SLC38A4: variants seen among roughly 807,000 people sequenced by gnomAD.
SLC38A4 encodes solute carrier family 38 member 4.
SLC38A4 carries 20 observed loss-of-function variants against 63.1 expected under a neutral mutation model. The ratio of observed to expected loss-of-function variants is 0.32; its 90% CI spans 0.22 to 0.46. The LOEUF (loss-of-function observed/expected upper bound fraction) is 0.46. Among genes scored for constraint, SLC38A4 ranks in the 20% least tolerant of loss-of-function variants. The pLI is 1.00. For synonymous variants in SLC38A4, 230 were observed against 225.5 expected (o/e 1.02, Z -0.18); for missense variants, 526 against 663.6 (o/e 0.79, Z 2.28).
chr12:46,777,033 T>G (rs1938542776), intron 12 of SLC38A4, 29 bp from the exon 13 acceptor site: 2 of 1,546,538 alleles, frequency 1.3e-6, no homozygotes, highest in Non-Finnish European at 1.8e-6. Flanking sequence ...CCAAGCTTTG[T>G]TTTTTAAACT....
rs1938718766 is a variant in SLC38A4 at position 46,784,547 on chromosome 12, A to G, written c.488T>C (p.Ile163Thr). ...GAFVSITMQN[I>T]GAMSSYLFII... is the part of the protein sequence containing the mutation. ...TGAAAAGTATATCCCCTTACCTCCA[A>G]TGTTCTGCATTGTAATGGAAACAAA... The change falls in exon 7 of 17, where the codon ATT becomes ACT. Residue 163 changes from isoleucine (I) to threonine (T), a missense_variant. Coordinates refer to ENST00000266579, the MANE Select transcript of SLC38A4 (RefSeq NM_018018.5). 1.9e-6 allele frequency: 3 copies of G among 1,611,564 alleles called. No individual in the cohort carries two copies. Among genetic ancestry groups the G allele is most frequent in the African/African-American group, 1.3e-5 (1 of 74,786 alleles).
chr12:46,827,191 A>C (rs1476389251), upstream of SLC38A4, among the ~76,000 whole-genome samples: 2 of 152,222 alleles, frequency 1.3e-5, no homozygotes, highest in Non-Finnish European at 2.9e-5. Flanking sequence ...ACTGTCTGGC[A>C]TGAGTATTAT....
chr12:46,815,278 TATATATACAC>T (rs1199115022), intron 1 of SLC38A4, among the ~76,000 whole-genome samples: 187 of 86,484 alleles, frequency 2.2e-3, no homozygotes, highest in South Asian at 8.5e-3. Flanking sequence ...TATATATATA[TATATATACAC>T]ACACACACAC....
chr12:46,807,898 C>A (rs533165564), intron 1 of SLC38A4, among the ~76,000 whole-genome samples: 2 of 149,964 alleles, frequency 1.3e-5, no homozygotes, highest in African/African-American at 2.4e-5. Context: ...TACCCCCCCC[C>A]CCAAAGCCAC....
In SLC38A4 at chr12:46,820,635, C is replaced by T. The variant is rs145044422; in HGVS notation, c.-305+5268G>A. Among the ~76,000 whole-genome samples, 375 of 152,184 alleles carry T rather than the reference C, an allele frequency of 2.5e-3. 3 individuals are homozygous for T. The highest frequency in any genetic ancestry group is 2.8e-3 in the Non-Finnish European group (193 of 67,974). ...CTATTGTGAATAGCGCAGCAATGAA[C>T]ATAGGAGTGCAGGTATCGCTCTGAG... is the stretch of plus-strand genomic sequence containing the variant. On this transcript the variant is annotated intron_variant, in intron 1 of 16. Transcript: ENST00000266579.
rs764177200 is a variant in SLC38A4 at position 46,779,934 on chromosome 12, G to A, written c.575+15C>T. On this transcript the variant is annotated intron_variant, in intron 8 of 16. Coordinates refer to ENST00000266579, the MANE Select transcript of SLC38A4 (RefSeq NM_018018.5). ...AATGAGTCACTTGATGTCACAGAGGGAGCATAAGACATACCCAGTATTTTC... is the reference window on the plus strand; with the variant it reads ...AATGAGTCACTTGATGTCACAGAGGAAGCATAAGACATACCCAGTATTTTC... The A allele has an allele frequency of 3.2e-5, 52 of 1,610,250 alleles. No individual in the cohort carries two copies. The highest frequency in any genetic ancestry group is 2.8e-4 in the Admixed American group (17 of 59,830).
chr12:46,772,018 G>T (rs943112134), intron 14 of SLC38A4, among the ~76,000 whole-genome samples: 9 of 151,826 alleles, frequency 5.9e-5, no homozygotes, highest in Non-Finnish European at 1.2e-4. Context: ...TATTTCCAGA[G>T]AAAGAGTCCT....
chr12:46,821,575 C>T (rs1939552040), intron 1 of SLC38A4, among the ~76,000 whole-genome samples: 1 of 151,928 alleles, frequency 6.6e-6, no homozygotes, highest in East Asian at 1.9e-4. Context: ...TTTTTGGTAC[C>T]ATATTTTTTC....
At chr12:46,795,191 A>G (rs1391499277) in intron 2 of SLC38A4, among the ~76,000 whole-genome samples, 2 of 152,058 alleles carry the variant, frequency 1.3e-5, no homozygotes, top group Admixed American at 6.6e-5. Flanking sequence ...CCCATAAAAA[A>G]TAAGGACATT....
intron 1 of SLC38A4, among the ~76,000 whole-genome samples, chr12:46,822,202 C>T (rs1411184529): frequency 6.6e-6 from 1 of 152,090 alleles, no homozygotes; most frequent in Non-Finnish European, 1.5e-5. Context: ...CACACACGTA[C>T]ACATAGGGTT....
intron 1 of SLC38A4, among the ~76,000 whole-genome samples, chr12:46,805,498 C>T (rs908661586): frequency 2.6e-5 from 4 of 151,992 alleles, no homozygotes; most frequent in Non-Finnish European, 4.4e-5. Context: ...ATATGGTCTG[C>T]TCTCAACAAA....
At chr12:46,788,662 T>C (rs1592183547) in intron 3 of SLC38A4, 44 bp from the exon 4 acceptor site, 5 of 1,501,610 alleles carry the variant, frequency 3.3e-6, no homozygotes, top group Non-Finnish European at 4.6e-6. Context: ...AACATCTAAA[T>C]ATATGCTCTG....
At chr12:46,809,141 G>A (rs372192161) in intron 1 of SLC38A4, among the ~76,000 whole-genome samples, 4 of 151,862 alleles carry the variant, frequency 2.6e-5, no homozygotes, top group Non-Finnish European at 4.4e-5. Context: ...TTGGACTTTC[G>A]GTAGTTTAAG....
intron 1 of SLC38A4, among the ~76,000 whole-genome samples, chr12:46,806,133 AC>A (rs961144080): frequency 6.6e-6 from 1 of 151,698 alleles, no homozygotes; most frequent in Non-Finnish European, 1.5e-5. Flanking sequence ...GATGAAAAAT[AC>A]CCTTGTAATT....
At chr12:46,830,947 C>G (rs935196569), upstream of SLC38A4, among the ~76,000 whole-genome samples, 11 of 152,230 alleles carry the variant, frequency 7.2e-5, no homozygotes, top group African/African-American at 2.7e-4. Context: ...TCACTGCCTC[C>G]TGCACTCCTC....
chr12:46,827,122 T>C (rs1939668595), upstream of SLC38A4, among the ~76,000 whole-genome samples: 1 of 152,302 alleles, frequency 6.6e-6, no homozygotes, highest in Non-Finnish European at 1.5e-5. Flanking sequence ...TTGGGAACAA[T>C]AGGCAGAAAT....
chr12:46,813,400 T>C (rs927128325), intron 1 of SLC38A4, among the ~76,000 whole-genome samples: 4 of 151,966 alleles, frequency 2.6e-5, no homozygotes, highest in Non-Finnish European at 5.9e-5. Flanking sequence ...TCCGAACTCT[T>C]TTTCTCAAAT....
intron 3 of SLC38A4, among the ~76,000 whole-genome samples, chr12:46,790,219 A>C (rs1938856338): frequency 6.6e-6 from 1 of 152,198 alleles, no homozygotes; most frequent in Non-Finnish European, 1.5e-5. Flanking sequence ...TTACTTTTTG[A>C]GAATAGAAAA....
chr12:46,805,632 T>C (rs1939216583), intron 1 of SLC38A4, among the ~76,000 whole-genome samples: 1 of 152,080 alleles, frequency 6.6e-6, no homozygotes, highest in Non-Finnish European at 1.5e-5. Flanking sequence ...GCTAATAGAC[T>C]TGTGCTGTTT....
Sources: allele counts gnomAD v4.1 joint callset (sites outside exome capture counted in the v4.1 genomes callset), GRCh38; gene constraint gnomAD v4.1.1; transcripts MANE v1.5; gene names NCBI Gene and HGNC (gene_info 2026-07-23, HGNC 2026-07-21).